LRRC66: variants seen among roughly 807,000 people sequenced by gnomAD.
The protein encoded by LRRC66 is leucine rich repeat containing 66, also known as leucine-rich repeat-containing protein 66.
LRRC66 carries 29 observed loss-of-function variants against 24.6 expected under a neutral mutation model. That is an observed-to-expected ratio of 1.18 (90% CI 0.88 to 1.61). The LOEUF (loss-of-function observed/expected upper bound fraction) is 1.61, where lower values mean the gene tolerates loss of function less well. Ranked by LOEUF, LRRC66 falls within the 40% of genes most tolerant of loss-of-function variation. LRRC66 has a pLI of 0.00. For synonymous variants in LRRC66, 411 were observed against 397.6 expected, an observed-to-expected ratio of 1.03 and a Z score of -0.40; for missense variants, 1,124 against 1,058.0, an observed-to-expected ratio of 1.06 and a Z score of -0.87.
chr4:52,014,913 C>T (rs944219194), intron 2 of LRRC66, among the ~76,000 whole-genome samples: 21 of 151,932 alleles, frequency 1.4e-4, no homozygotes, highest in African/African-American at 4.6e-4. Flanking sequence ...CTTCTTTTTT[C>T]CCCCTCCTCT....
intron 2 of LRRC66, among the ~76,000 whole-genome samples, chr4:52,006,385 G>A (rs1360397664): frequency 6.6e-6 from 1 of 151,980 alleles, no homozygotes; most frequent in Admixed American, 6.6e-5. Flanking sequence ...AAAATGATGA[G>A]TTCATGTCCT....
At chr4:52,005,046 AAGTCC>A (rs1176080927) in intron 2 of LRRC66, among the ~76,000 whole-genome samples, 2 of 152,196 alleles carry the variant, frequency 1.3e-5, no homozygotes, top group East Asian at 3.9e-4. Flanking sequence ...TCAGATGATC[AAGTCC>A]CTTCAGGGCA....
chr4:52,015,181 T>A (rs535411140), intron 2 of LRRC66, among the ~76,000 whole-genome samples: 6 of 152,286 alleles, frequency 3.9e-5, no homozygotes, highest in Non-Finnish European at 7.4e-5. Context: ...TTTCTCTCCA[T>A]TCACACAGAA....
chr4:52,019,922 T>G (rs1202503108), intron 1 of LRRC66, among the ~76,000 whole-genome samples: 7 of 152,130 alleles, frequency 4.6e-5, no homozygotes, highest in East Asian at 1.9e-4. Flanking sequence ...ACAAGGAATC[T>G]TATATCTTAA....
intron 2 of LRRC66, among the ~76,000 whole-genome samples, chr4:52,008,666 C>T (rs1300927630): frequency 6.6e-6 from 1 of 152,016 alleles, no homozygotes; most frequent in African/African-American, 2.4e-5. Flanking sequence ...GCCTAGAATT[C>T]TTTATTGAGT....
chr4:52,012,564 C>A (rs1039428545), intron 2 of LRRC66, among the ~76,000 whole-genome samples: 1 of 152,086 alleles, frequency 6.6e-6, no homozygotes, highest in African/African-American at 2.4e-5. Flanking sequence ...AAAATGTATT[C>A]TTTTAATATT....
rs775897307 is a variant in LRRC66, at chr4:51,995,406, T to C, written c.1616A>G (p.Tyr539Cys). The C allele has an allele frequency of 6.2e-7, 1 of 1,614,208 alleles. No homozygotes were observed. The highest frequency in any genetic ancestry group is 8.5e-7 in the Non-Finnish European group (1 of 1,180,046). ...AGGCTCTTCCTGGGCCACAGTTTCA[T>C]AAGTCCATTCTCCGAGAATATCATT... ...HRNDILGEWT[Y>C]ETVAQEEPLS... Residue 539 changes from tyrosine to cysteine, a missense_variant, in exon 5 of 5, where the codon TAT becomes TGT. Transcript: ENST00000682860.
Position 51,994,156 on chromosome 4 carries a change from G to A in LRRC66, c.*223C>T. On this transcript the variant is annotated 3_prime_UTR_variant, in exon 5 of 5. Transcript: ENST00000682860. ...TCTTTCTCTTTCACACTGAAGAGCAGGTTCATCCCCATAGGATGTTAACAA... is the reference window on the plus strand; with the variant it reads ...TCTTTCTCTTTCACACTGAAGAGCAAGTTCATCCCCATAGGATGTTAACAA... The A allele has an allele frequency of 3.9e-6, 2 of 509,308 alleles. No homozygotes were observed. The highest frequency in any genetic ancestry group is 6.9e-6 in the Non-Finnish European group (2 of 290,828). The allele number at this position is 509,308 out of a possible 1,614,324, so 31.5% of individuals were successfully genotyped here.
intron 2 of LRRC66, among the ~76,000 whole-genome samples, chr4:52,012,656 C>A: frequency 6.6e-6 from 1 of 152,196 alleles, no homozygotes; most frequent in East Asian, 1.9e-4. Flanking sequence ...GGGGCTTGGA[C>A]ATCAGGGGTA....
chr4:51,995,216 A>G lies in LRRC66; in HGVS notation c.1806T>C (p.Asp602=). 1.2e-6 allele frequency: 2 copies of G among 1,614,074 alleles called. No individual in the cohort carries two copies. Among genetic ancestry groups the G allele is most frequent in the South Asian group, 1.1e-5 (1 of 91,078 alleles). ...GTTCAGTGCCCCCTCTTTCCTTACT[A>G]TCTCCAGTCCTCTGTGCTTCTGCAT... is the stretch of plus-strand genomic sequence containing the variant. The part of the protein sequence containing the change: ...LTHAEAQRTG[D]SKERGGTEQS... The change falls in exon 5 of 5, where the codon GAT becomes GAC. Residue 602 remains aspartate, a synonymous_variant. Transcript: ENST00000682860.
At position 52,003,248 on chromosome 4, in the gene LRRC66, G is replaced by GCTTGT; in HGVS notation, c.636_640dup (p.Ala214AspfsTer13). 1 of 1,612,752 alleles carries GCTTGT rather than the reference G, an allele frequency of 6.2e-7. No homozygotes were observed. The highest frequency in any genetic ancestry group is 8.5e-7 in the Non-Finnish European group (1 of 1,179,658). On this transcript the variant is annotated frameshift_variant, in exon 3 of 5. Transcript: ENST00000682860. LOFTEE classifies it high-confidence loss of function. ...CTGTAATTTTTTGAGGTCCTTGAAG[G>GCTTGT]CTTGTGGGGGAATTTTGAATATCTT...
chr4:52,003,712 A>G (rs1281435611), intron 2 of LRRC66, among the ~76,000 whole-genome samples: 2 of 152,192 alleles, frequency 1.3e-5, no homozygotes, highest in Non-Finnish European at 2.9e-5. Context: ...AGATAAACTA[A>G]ACTACTAACA....
chr4:52,018,907 G>T (rs969747882), intron 1 of LRRC66, among the ~76,000 whole-genome samples: 1 of 152,016 alleles, frequency 6.6e-6, no homozygotes, highest in African/African-American at 2.4e-5. Context: ...ATGGAGTTTC[G>T]CTCTTGTTAC....
Position 52,003,272 on chromosome 4 carries a change from T to A in LRRC66, c.617A>T (p.Lys206Met). ...QLENLCLKSNKIFKIPPQAFK... is the reference protein window; with the variant it reads ...QLENLCLKSNMIFKIPPQAFK... ...GGCTTGTGGGGGAATTTTGAATATC[T>A]TGTTGCTCTTTAAACAGAGATTCTC... Residue 206 changes from lysine to methionine, a missense_variant, in exon 3 of 5, where the codon AAG (lysine) becomes ATG (methionine). By Grantham distance (95) the Lys-to-Met change is moderately conservative (BLOSUM62 -1). Coordinates refer to ENST00000682860, the MANE Select transcript of LRRC66 (RefSeq NM_001024611.3). 6.2e-7 allele frequency: 1 copy of A among 1,613,958 alleles called. No individual in the cohort carries two copies. The highest frequency in any genetic ancestry group is 8.5e-7 in the Non-Finnish European group (1 of 1,179,932).
intron 2 of LRRC66, among the ~76,000 whole-genome samples, chr4:52,016,209 A>T (rs1736805424): frequency 6.6e-6 from 1 of 152,200 alleles, no homozygotes; most frequent in Admixed American, 6.5e-5. Flanking sequence ...TGCCAAAATG[A>T]TGCTTAAAGC....
chr4:51,997,694 A>T, intron 4 of LRRC66, 54 bp downstream of exon 4: 1 of 1,480,222 alleles, frequency 6.8e-7, no homozygotes, highest in South Asian at 1.2e-5. Flanking sequence ...TAAAATGTCT[A>T]TGTGCATTTT....
intron 3 of LRRC66, among the ~76,000 whole-genome samples, chr4:51,998,533 C>T (rs891997947): frequency 5.3e-5 from 8 of 152,304 alleles, no homozygotes; most frequent in East Asian, 1.9e-4. Context: ...ATTACAGGCA[C>T]GCACCTGACC....
intron 3 of LRRC66, among the ~76,000 whole-genome samples, chr4:52,002,760 T>C (rs1736485527): frequency 6.6e-6 from 1 of 152,238 alleles, no homozygotes; most frequent in East Asian, 1.9e-4. Context: ...ACAGGGTCAC[T>C]GGGTTTCAGA....
intron 1 of LRRC66, chr4:52,018,438 T>G: frequency 1.0e-6 from 1 of 985,416 alleles, no homozygotes; most frequent in Non-Finnish European, 1.2e-6. Context: ...AGCCACTGTG[T>G]GTACAAATAA....
Sources: allele counts gnomAD v4.1 joint callset (sites outside exome capture counted in the v4.1 genomes callset), GRCh38; gene constraint gnomAD v4.1.1; transcripts MANE v1.5; gene names NCBI Gene and HGNC (gene_info 2026-07-23, HGNC 2026-07-21).